UNC5D: variants seen among roughly 807,000 people sequenced by gnomAD.
The protein encoded by UNC5D is netrin receptor UNC5D.
A neutral mutation model predicts 105.4 loss-of-function variants in UNC5D; 39 were observed. That is an observed-to-expected ratio of 0.37 (90% CI 0.29 to 0.48). UNC5D has a LOEUF of 0.48. Ranked by LOEUF, UNC5D falls within the 20% of genes least tolerant of loss-of-function variation. The pLI, the probability that UNC5D is intolerant of heterozygous loss-of-function variation, is 0.98. For missense variants in UNC5D, 991 were observed against 1,202.4 expected, an observed-to-expected ratio of 0.82 and a Z score of 2.60; for synonymous variants, 452 against 450.4, an observed-to-expected ratio of 1.00 and a Z score of -0.04.
intron 3 of UNC5D, among the ~76,000 whole-genome samples, chr8:35,582,649 C>T (rs1266167840): frequency 1.3e-5 from 2 of 152,134 alleles, no homozygotes; most frequent in Non-Finnish European, 2.9e-5. Flanking sequence ...GAGGGAAGAA[C>T]CAAAAAACTA....
rs1301389581 is a variant in UNC5D at position 35,684,696 on chromosome 8, C to T, written c.866C>T (p.Ala289Val). 3 of 1,613,846 alleles carry T rather than the reference C, an allele frequency of 1.9e-6. No individual in the cohort carries two copies. Among genetic ancestry groups the T allele is most frequent in the Non-Finnish European group, 2.5e-6 (3 of 1,179,904 alleles). ...CTNPAPLNGG[A>V]FCEGMSVQKI... Reference sequence around the variant, plus strand: ...AACCCAGCTCCTCTCAATGGTGGGGCCTTTTGTGAGGGAATGTCAGTGCAG... The same window carrying T: ...AACCCAGCTCCTCTCAATGGTGGGGTCTTTTGTGAGGGAATGTCAGTGCAG... Residue 289 changes from alanine to valine, a missense_variant, in exon 6 of 17, where the codon GCC (alanine) becomes GTC (valine). Physicochemically the swap from Ala to Val is moderately conservative, Grantham distance 64. This residue lies in a region of UNC5D where 944 missense variants were observed against 1,131.6 expected (regional missense o/e 0.83). Transcript: ENST00000404895.
chr8:35,733,439 A>T (rs781545169), intron 11 of UNC5D, among the ~76,000 whole-genome samples: 5 of 152,290 alleles, frequency 3.3e-5, no homozygotes, highest in African/African-American at 1.2e-4. Flanking sequence ...TACGTCTGCC[A>T]TCCTGAACTT....
At position 35,240,361 on chromosome 8, in the gene UNC5D, C is replaced by G. The variant is rs141377050; in HGVS notation, c.103+4474C>G. On this transcript the variant is annotated intron_variant, in intron 1 of 16. Transcript: ENST00000404895. Reference sequence around the variant, plus strand: ...TAAAATAATAAATACATTTCTGCAACTTTGTTTGAATATGAAATAATACTT... The same window carrying G: ...TAAAATAATAAATACATTTCTGCAAGTTTGTTTGAATATGAAATAATACTT... 4.9e-3 allele frequency among the ~76,000 whole-genome samples: 748 copies of G among 152,224 alleles called. 2 individuals are homozygous for G. The highest frequency in any genetic ancestry group is 7.4e-3 in the Non-Finnish European group (504 of 68,008).
intron 4 of UNC5D, among the ~76,000 whole-genome samples, chr8:35,618,041 G>GGAA (rs1821136775): frequency 6.6e-6 from 1 of 152,170 alleles, no homozygotes; most frequent in Non-Finnish European, 1.5e-5. Context: ...TCTGTGTGCA[G>GGAA]GAAGTGTCAG....
At chr8:35,462,524 G>T (rs1358196767) in intron 1 of UNC5D, among the ~76,000 whole-genome samples, 1 of 152,116 alleles carries the variant, frequency 6.6e-6, no homozygotes, top group Non-Finnish European at 1.5e-5. Context: ...TAGATACTCT[G>T]CTGAATTCTC....
intron 1 of UNC5D, among the ~76,000 whole-genome samples, chr8:35,328,090 A>C (rs999879857): frequency 1.1e-4 from 17 of 152,176 alleles, no homozygotes; most frequent in Non-Finnish European, 2.2e-4. Context: ...ACTGGCAAAG[A>C]TGTGGGTGAC....
chr8:35,732,423 G>A (rs899064386), intron 11 of UNC5D, among the ~76,000 whole-genome samples: 2 of 152,006 alleles, frequency 1.3e-5, no homozygotes, highest in Admixed American at 6.6e-5. Context: ...AAAAAGTGCT[G>A]GTGTCTAAAT....
At chr8:35,403,319 G>A (rs1273361577) in intron 1 of UNC5D, among the ~76,000 whole-genome samples, 6 of 152,154 alleles carry the variant, frequency 3.9e-5, no homozygotes, top group African/African-American at 2.4e-5. Flanking sequence ...GGCAGTCTGG[G>A]CAGCTAAAGG....
At chr8:35,678,888 C>T (rs2131317305) in intron 4 of UNC5D, among the ~76,000 whole-genome samples, 1 of 152,030 alleles carries the variant, frequency 6.6e-6, no homozygotes, top group East Asian at 1.9e-4. Context: ...TAAACTCTCA[C>T]CCTTAATATT....
chr8:35,317,308 C>T (rs207482222), intron 1 of UNC5D, among the ~76,000 whole-genome samples: 1 of 152,224 alleles, frequency 6.6e-6, no homozygotes, highest in Non-Finnish European at 1.5e-5. Flanking sequence ...ATAGATAACA[C>T]CTCTTCTCAA....
At chr8:35,657,575 C>T (rs568328570) in intron 4 of UNC5D, among the ~76,000 whole-genome samples, 111 of 152,252 alleles carry the variant, frequency 7.3e-4, no homozygotes, top group Non-Finnish European at 1.4e-3. Context: ...ACCTTGGACT[C>T]CTGGGCTCAA....
chr8:35,490,757 G>A (rs1038691580), intron 1 of UNC5D, among the ~76,000 whole-genome samples: 2 of 152,148 alleles, frequency 1.3e-5, no homozygotes, highest in Non-Finnish European at 2.9e-5. Context: ...GCCTCTGGAA[G>A]AGCCAGTACT....
intron 1 of UNC5D, among the ~76,000 whole-genome samples, chr8:35,484,949 C>T (rs1810733419): frequency 6.6e-6 from 1 of 152,302 alleles, no homozygotes; most frequent in East Asian, 1.9e-4. Flanking sequence ...CTCCAGTTCT[C>T]AATATTTTAA....
chr8:35,527,196 T>C (rs1046839650), intron 1 of UNC5D, among the ~76,000 whole-genome samples: 3 of 152,164 alleles, frequency 2.0e-5, no homozygotes, highest in Admixed American at 6.5e-5. Context: ...TACTTCCAGA[T>C]TGATTTCCTT....
chr8:35,638,180 AT>A (rs1189817858), intron 4 of UNC5D, among the ~76,000 whole-genome samples: 4 of 152,144 alleles, frequency 2.6e-5, no homozygotes, highest in Non-Finnish European at 5.9e-5. Context: ...TCCTGTACAT[AT>A]TTTTTTGAGA....
chr8:35,455,321 C>T lies in UNC5D; in HGVS notation c.104-93971C>T, dbSNP rs541793080. 2.6e-5 allele frequency among the ~76,000 whole-genome samples: 4 copies of T among 151,240 alleles called. No individual in the cohort carries two copies. In the East Asian group the frequency reaches 7.8e-4, roughly 30 times the overall value. On this transcript the variant is annotated intron_variant, in intron 1 of 16. Transcript: ENST00000404895. ...TGAGACTGAGTGTCATTCTGTCACC[C>T]AGGGTGGGGTACAGTGGTGAAATCT...
chr8:35,349,387 T>C (rs1395194502), intron 1 of UNC5D, among the ~76,000 whole-genome samples: 1 of 152,024 alleles, frequency 6.6e-6, no homozygotes, highest in Non-Finnish European at 1.5e-5. Context: ...TATTTATATC[T>C]TCTGAATGTT....
chr8:35,539,990 ATTGT>A (rs1815151132), intron 1 of UNC5D, among the ~76,000 whole-genome samples: 1 of 152,190 alleles, frequency 6.6e-6, no homozygotes, highest in Admixed American at 6.5e-5. Flanking sequence ...ATGGTGTTTG[ATTGT>A]TTGGTTTTCT....
intron 11 of UNC5D, among the ~76,000 whole-genome samples, chr8:35,741,566 T>G (rs907084976): frequency 3.3e-5 from 5 of 152,296 alleles, no homozygotes; most frequent in African/African-American, 1.2e-4. Flanking sequence ...CCCCCCAACC[T>G]GAAATCCTTG....
Sources: allele counts gnomAD v4.1 joint callset (sites outside exome capture counted in the v4.1 genomes callset), GRCh38; gene constraint gnomAD v4.1.1; regional missense constraint gnomAD v4.1.1; transcripts MANE v1.5; gene names NCBI Gene and HGNC (gene_info 2026-07-23, HGNC 2026-07-21).